Variants in CPLX1 observed in about 807,000 individuals in gnomAD.
CPLX1 encodes the protein complexin-1.
In CPLX1, 6 loss-of-function variants were observed where a neutral mutation model predicts 15.6. That is an observed-to-expected ratio of 0.39 (90% CI 0.21 to 0.76). CPLX1 has a LOEUF of 0.76. Among genes scored for constraint, CPLX1 ranks in the 30% least tolerant of loss-of-function variants. The probability of loss-of-function intolerance (pLI) is 0.43; values close to 1 mark genes in which losing one functional copy is unlikely to be tolerated. For synonymous variants in CPLX1, 91 were observed against 75.2 expected, an observed-to-expected ratio of 1.21 and a Z score of -1.08; for missense variants, 242 against 188.6, an observed-to-expected ratio of 1.28 and a Z score of -1.66.
chr4:800,340 G>A (rs1236577300), intron 2 of CPLX1, among the ~76,000 whole-genome samples: 1 of 152,052 alleles, frequency 6.6e-6, no homozygotes, highest in East Asian at 1.9e-4. Flanking sequence ...CCACACATCT[G>A]ATAAAGATCT....
chr4:822,373 GTC>G lies in CPLX1; in HGVS notation c.31+2117_31+2118del, dbSNP rs147675817. On this transcript the variant is annotated intron_variant, in intron 2 of 3. Coordinates refer to ENST00000304062, the MANE Select transcript of CPLX1 (RefSeq NM_006651.4). ...TTTCTCCCTGTCTCTGTCTCCCTCT[GTC>G]TCTGTGTCTCCCTCTATCTCTGTCT... Among the ~76,000 whole-genome samples, 991 of 148,926 alleles carry G rather than the reference GTC, an allele frequency of 6.7e-3. 13 individuals are homozygous for G. The highest frequency in any genetic ancestry group is 0.024 in the African/African-American group (958 of 40,200).
intron 3 of CPLX1, among the ~76,000 whole-genome samples, chr4:789,109 G>C (rs569989947): frequency 5.3e-5 from 8 of 152,344 alleles, no homozygotes; most frequent in Admixed American, 3.3e-4. Flanking sequence ...CTGAGGTCAC[G>C]CCGGACTTGG....
chr4:810,106 G>A (rs1415964322), intron 2 of CPLX1, among the ~76,000 whole-genome samples: 1 of 146,620 alleles, frequency 6.8e-6, no homozygotes, highest in Non-Finnish European at 1.5e-5. Flanking sequence ...CTGGAGTGCA[G>A]TGGCATGATC....
In CPLX1 at chr4:793,122, G is replaced by A. The variant is rs1291519983; in HGVS notation, c.32-514C>T. On this transcript the variant is annotated intron_variant, in intron 2 of 3. Coordinates refer to ENST00000304062, the MANE Select transcript of CPLX1 (RefSeq NM_006651.4). ...TGCAGTTGTGTGTGAGCTTCCAGGGGTTGAAGCGTCTTCTCTGGTCATGTG... is the reference window on the plus strand; with the variant it reads ...TGCAGTTGTGTGTGAGCTTCCAGGGATTGAAGCGTCTTCTCTGGTCATGTG... Among the ~76,000 whole-genome samples the A allele has an allele frequency of 2.0e-5, 3 of 152,224 alleles. No homozygotes were observed. The East Asian group carries it at 5.8e-4, about 29-fold the overall frequency.
At chr4:815,492 G>A (rs1369571292) in intron 2 of CPLX1, among the ~76,000 whole-genome samples, 1 of 151,526 alleles carries the variant, frequency 6.6e-6, no homozygotes, top group Non-Finnish European at 1.5e-5. Context: ...GCAGGGCTCA[G>A]CGCTAAGCAG....
chr4:792,742 CACCCTCCA>C, intron 2 of CPLX1, 134 bp from the exon 3 acceptor site: 1 of 912,446 alleles, frequency 1.1e-6, no homozygotes, highest in South Asian at 1.7e-5. Context: ...CTGCCCCCAC[CACCCTCCA>C]GCCGCTCCTC....
chr4:804,251 G>C (rs555634377), intron 2 of CPLX1, among the ~76,000 whole-genome samples: 1 of 152,298 alleles, frequency 6.6e-6, no homozygotes, highest in African/African-American at 2.4e-5. Flanking sequence ...CTCTCTTCCT[G>C]ATGACACGAT....
At chr4:792,356 C>G in intron 3 of CPLX1, 77 bp downstream of exon 3, 1 of 1,366,582 alleles carries the variant, frequency 7.3e-7, no homozygotes, top group Non-Finnish European at 9.6e-7. Context: ...CGGGCAGCCC[C>G]TTCCACCCAG....
At chr4:791,291 G>C (rs1332140831) in intron 3 of CPLX1, among the ~76,000 whole-genome samples, 1 of 151,740 alleles carries the variant, frequency 6.6e-6, no homozygotes, top group Non-Finnish European at 1.5e-5. Flanking sequence ...GGGATGCCAG[G>C]GCGCCCGGCC....
At chr4:803,772 C>A (rs1746504815) in intron 2 of CPLX1, among the ~76,000 whole-genome samples, 1 of 151,982 alleles carries the variant, frequency 6.6e-6, no homozygotes, top group African/African-American at 2.4e-5. Context: ...TGGGTTCAAG[C>A]CATTCTTGTG....
chr4:796,739 C>T lies in CPLX1; in HGVS notation c.32-4131G>A, dbSNP rs556275048. ...TAACTCCACACGTAAAGACGTCCAT[C>T]CTCCCCAAACTCCGAAGAATTAAGA... On this transcript the variant is annotated intron_variant, in intron 2 of 3. Coordinates refer to ENST00000304062, the MANE Select transcript of CPLX1 (RefSeq NM_006651.4). Among the ~76,000 whole-genome samples, 6 of 152,336 alleles carry T rather than the reference C, an allele frequency of 3.9e-5. No individual in the cohort carries two copies. The South Asian group carries it at 8.3e-4, about 21-fold the overall frequency.
Position 809,873 on chromosome 4 carries a change from G to T in CPLX1, c.31+14619C>A, listed in dbSNP as rs189136667. Among the ~76,000 whole-genome samples, 3 of 152,138 alleles carry T rather than the reference G, an allele frequency of 2.0e-5. No individual in the cohort carries two copies. The East Asian group carries it at 5.8e-4, about 30-fold the overall frequency. On this transcript the variant is annotated intron_variant, in intron 2 of 3. Coordinates refer to ENST00000304062, the MANE Select transcript of CPLX1 (RefSeq NM_006651.4). ...ACGTGGTATCTGCAGCAGGCGGGGG[G>T]ACTGGCCCGGTTACTGAGTTCGCTG... is the stretch of plus-strand genomic sequence containing the variant.
At chr4:814,409 C>T (rs1262907826) in intron 2 of CPLX1, among the ~76,000 whole-genome samples, 1 of 152,114 alleles carries the variant, frequency 6.6e-6, no homozygotes, top group Non-Finnish European at 1.5e-5. Context: ...GACCGGGTTT[C>T]ACCATGTTGG....
intron 3 of CPLX1, among the ~76,000 whole-genome samples, chr4:791,561 G>A (rs1415268085): frequency 1.3e-5 from 2 of 152,192 alleles, no homozygotes; most frequent in African/African-American, 4.8e-5. Flanking sequence ...GCCAGGAAAC[G>A]GCTTCTCCAC....
chr4:824,664 G>T, intron 1 of CPLX1, 63 bp from the exon 2 acceptor site: 3 of 879,908 alleles, frequency 3.4e-6, no homozygotes, highest in South Asian at 1.3e-5. Flanking sequence ...CTTCCCCAGA[G>T]ACCATCATTC....
chr4:809,711 A>G (rs1746626451), intron 2 of CPLX1, among the ~76,000 whole-genome samples: 1 of 152,242 alleles, frequency 6.6e-6, no homozygotes, highest in Admixed American at 6.5e-5. Flanking sequence ...CAATCAAGAC[A>G]GTGGACACGT....
At chr4:799,727 G>C (rs1746414721) in intron 2 of CPLX1, among the ~76,000 whole-genome samples, 1 of 152,112 alleles carries the variant, frequency 6.6e-6, no homozygotes, top group African/African-American at 2.4e-5. Flanking sequence ...TCCAGGCATG[G>C]TGGCATGTGC....
chr4:804,863 A>T, intron 2 of CPLX1: 1 of 936,812 alleles, frequency 1.1e-6, no homozygotes, highest in Non-Finnish European at 1.3e-6. Context: ...TCCACGGGAA[A>T]GGTGGGCGGC....
chr4:800,612 C>T (rs1242323114), intron 2 of CPLX1, among the ~76,000 whole-genome samples: 4 of 140,118 alleles, frequency 2.9e-5, no homozygotes. Flanking sequence ...ATTAGCCAGA[C>T]ATGGTGACGG....
Sources: gnomAD v4.1 joint callset for allele counts (sites outside exome capture counted in the v4.1 genomes callset) on GRCh38, gnomAD v4.1.1 for gene constraint, MANE v1.5 for transcripts, NCBI Gene and HGNC (gene_info 2026-07-23, HGNC 2026-07-21) for gene names.